The following TTC17 variants were observed in gnomAD, a reference collection of about 807,000 sequenced individuals.
TTC17 encodes tetratricopeptide repeat domain 17, also known as tetratricopeptide repeat protein 17.
In TTC17, 58 loss-of-function variants were observed where a neutral mutation model predicts 143.8. That is an observed-to-expected ratio of 0.40 (90% CI 0.33 to 0.50). The LOEUF is 0.50. TTC17 is among the 20% of genes least tolerant of loss of function. The probability of loss-of-function intolerance (pLI) is 0.49; values close to 1 mark genes in which losing one functional copy is unlikely to be tolerated. For missense variants in TTC17, 1,273 were observed against 1,392.5 expected (o/e 0.91, Z 1.37); for synonymous variants, 501 against 497.8 (o/e 1.01, Z -0.09).
intron 7 of TTC17, 73 bp downstream of exon 7, chr11:43,397,564 A>G: frequency 7.2e-7 from 1 of 1,383,034 alleles, no homozygotes; most frequent in Non-Finnish European, 9.5e-7. Context: ...CTCCCCCCTC[A>G]GTAGAATGTT....
intron 4 of TTC17, 74 bp downstream of exon 4, chr11:43,391,650 A>T (rs1216119925): frequency 2.4e-6 from 3 of 1,259,388 alleles, no homozygotes; most frequent in Non-Finnish European, 3.3e-6. Context: ...ACTTATAAAG[A>T]CCATTTCTCT....
chr11:43,462,387 T>C (rs574276803), intron 21 of TTC17, among the ~76,000 whole-genome samples: 55 of 152,228 alleles, frequency 3.6e-4, no homozygotes, highest in African/African-American at 1.3e-3. Context: ...TGTATTCTTA[T>C]AAAGAAGGAG....
intron 8 of TTC17, among the ~76,000 whole-genome samples, chr11:43,399,671 A>G (rs1857764671): frequency 6.6e-6 from 1 of 152,186 alleles, no homozygotes; most frequent in Non-Finnish European, 1.5e-5. Flanking sequence ...CAACAGAGCA[A>G]GACCCCATTT....
intron 13 of TTC17, among the ~76,000 whole-genome samples, chr11:43,406,595 A>G (rs985171434): frequency 2.0e-5 from 3 of 151,928 alleles, no homozygotes; most frequent in African/African-American, 4.8e-5. Flanking sequence ...TTTCAAAACT[A>G]TAGGCACTTA....
Position 43,443,536 on chromosome 11 carries a change from C to G in TTC17, c.2463C>G (p.Ser821Arg). The change falls in exon 17 of 24, where the codon AGC becomes AGG. Residue 821 changes from serine to arginine, a missense_variant. Transcript: ENST00000039989. Reference protein sequence around the residue: ...KKGPQDGVARSSCYGDCRSED... With the variant: ...KKGPQDGVARRSCYGDCRSED... ...GTCCCCAGGATGGAGTGGCCAGAAG[C>G]TCTTGCTATGGAGACTGCAGAAGTG... 1.2e-6 allele frequency: 2 copies of G among 1,614,064 alleles called. No individual in the cohort carries two copies. The highest frequency in any genetic ancestry group is 1.7e-6 in the Non-Finnish European group (2 of 1,179,978).
intron 23 of TTC17, 101 bp downstream of exon 23, chr11:43,492,264 G>A: frequency 6.9e-7 from 1 of 1,441,462 alleles, no homozygotes; most frequent in Non-Finnish European, 9.3e-7. Flanking sequence ...CCAATTTCCT[G>A]TAAGCTTGTC....
chr11:43,454,064 T>G (rs1206877670), intron 21 of TTC17, among the ~76,000 whole-genome samples: 1 of 152,150 alleles, frequency 6.6e-6, no homozygotes, highest in Non-Finnish European at 1.5e-5. Flanking sequence ...AAGTTGGGGA[T>G]TGTTTGAGCT....
intron 1 of TTC17, among the ~76,000 whole-genome samples, chr11:43,374,629 A>G (rs1470815197): frequency 6.6e-6 from 1 of 152,166 alleles, no homozygotes; most frequent in African/African-American, 2.4e-5. Context: ...AAAAGAAGAC[A>G]TACATGCAGC....
intron 16 of TTC17, among the ~76,000 whole-genome samples, chr11:43,433,607 C>G (rs889759718): frequency 2.3e-4 from 35 of 152,174 alleles, no homozygotes; most frequent in Admixed American, 1.8e-3. Flanking sequence ...CCCTTGTGCA[C>G]ATAATATTTT....
chr11:43,436,169 T>A (rs1424451959), intron 16 of TTC17: 2 of 1,393,400 alleles, frequency 1.4e-6, no homozygotes, highest in Non-Finnish European at 9.3e-7. Context: ...TTGAGGTAAT[T>A]GTCATGAGAA....
chr11:43,494,127 T>A lies in TTC17; in HGVS notation c.*223T>A. 2.0e-6 allele frequency: 1 copy of A among 487,822 alleles called. No individual in the cohort carries two copies. The highest frequency in any genetic ancestry group is 5.9e-4 in the Middle Eastern group (1 of 1,698). 30.2% of individuals were successfully genotyped at this position (487,822 alleles called of 1,614,324 possible). A position where few individuals can be genotyped will look rare whatever the true frequency, so the allele number is the denominator to read the frequency against. ...GGCACCTTCAGAAACACACATTTCT[T>A]AAAAGGAAAGTGCAGCTTCAAGATA... On this transcript the variant is annotated 3_prime_UTR_variant, in exon 24 of 24. Coordinates refer to ENST00000039989, the MANE Select transcript of TTC17 (RefSeq NM_018259.6).
intron 21 of TTC17, among the ~76,000 whole-genome samples, chr11:43,456,285 A>G (rs1436908541): frequency 6.6e-6 from 1 of 152,114 alleles, no homozygotes; most frequent in Non-Finnish European, 1.5e-5. Flanking sequence ...AGAACCAGAC[A>G]AGAATGTCCA....
intron 1 of TTC17, among the ~76,000 whole-genome samples, chr11:43,361,279 G>A (rs988247385): frequency 2.0e-5 from 3 of 152,166 alleles, no homozygotes; most frequent in Admixed American, 6.5e-5. Context: ...TCACATTAGT[G>A]TATGAAATCC....
chr11:43,386,619 G>T lies in TTC17; in HGVS notation c.250-3033G>T, dbSNP rs993313788. On this transcript the variant is annotated intron_variant, in intron 2 of 23. Transcript: ENST00000039989. ...AATTAAGAAAACAGTTGATAAAGTTGCCCACCTTATAATTAAAAGTTTTTC... is the reference window on the plus strand; with the variant it reads ...AATTAAGAAAACAGTTGATAAAGTTTCCCACCTTATAATTAAAAGTTTTTC... 1.1e-4 allele frequency among the ~76,000 whole-genome samples: 16 copies of T among 152,156 alleles called. No individual in the cohort carries two copies. In the East Asian group the frequency reaches 2.9e-3, roughly 27 times the overall value.
At chr11:43,375,566 A>T (rs1238290456) in intron 1 of TTC17, among the ~76,000 whole-genome samples, 2 of 152,172 alleles carry the variant, frequency 1.3e-5, no homozygotes, top group African/African-American at 4.8e-5. Context: ...ATTTAAGATT[A>T]TATTCATCAG....
At chr11:43,386,709 C>A (rs189938193) in intron 2 of TTC17, among the ~76,000 whole-genome samples, 379 of 152,308 alleles carry the variant, frequency 2.5e-3, no homozygotes, top group Non-Finnish European at 4.1e-3. Context: ...GCATATAACT[C>A]ATAGAGGATG....
chr11:43,458,209 A>C (rs763549770), intron 21 of TTC17, among the ~76,000 whole-genome samples: 1 of 152,136 alleles, frequency 6.6e-6, no homozygotes, highest in African/African-American at 2.4e-5. Flanking sequence ...TACACACACA[A>C]GAGCTCTTGA....
chr11:43,362,140 C>A (rs1445380871), intron 1 of TTC17, among the ~76,000 whole-genome samples: 2 of 145,120 alleles, frequency 1.4e-5, no homozygotes, highest in African/African-American at 5.2e-5. Flanking sequence ...ACTACCACAC[C>A]CGGCTAATTT....
intron 21 of TTC17, among the ~76,000 whole-genome samples, chr11:43,484,210 A>T (rs546623754): frequency 6.6e-6 from 1 of 152,312 alleles, no homozygotes; most frequent in South Asian, 2.1e-4. Context: ...TTCAGAGGTG[A>T]TATGATTATC....
Sources: allele counts gnomAD v4.1 joint callset (sites outside exome capture counted in the v4.1 genomes callset), GRCh38; gene constraint gnomAD v4.1.1; transcripts MANE v1.5; gene names NCBI Gene and HGNC (gene_info 2026-07-23, HGNC 2026-07-21).